The following LRIF1 variants were observed in gnomAD, a reference collection of about 807,000 sequenced individuals.
The protein encoded by LRIF1 is ligand dependent nuclear receptor interacting factor 1.
LRIF1 carries 32 observed loss-of-function variants against 52.7 expected under a neutral mutation model. The ratio of observed to expected loss-of-function variants is 0.61; its 90% CI spans 0.46 to 0.82. The LOEUF (loss-of-function observed/expected upper bound fraction) is 0.82. Among genes scored for constraint, LRIF1 ranks in the 40% least tolerant of loss-of-function variants. The pLI is 0.00. For missense variants in LRIF1, 887 were observed against 892.0 expected (o/e 0.99, Z 0.07); for synonymous variants, 323 against 317.4 (o/e 1.02, Z -0.19).
the LRIF1 span, among the ~76,000 whole-genome samples, chr1:110,919,499 G>A: frequency 5.9e-5 from 9 of 152,086 alleles, no homozygotes; most frequent in Non-Finnish European, 1.2e-4. Context: ...ACTTGTGATC[G>A]TGTAAGTTAA....
At chr1:110,930,804 A>G in the LRIF1 span, among the ~76,000 whole-genome samples, 1 of 152,114 alleles carries the variant, frequency 6.6e-6, no homozygotes, top group Admixed American at 6.6e-5. Flanking sequence ...GATGATGTTG[A>G]TATGTCTTTT....
the LRIF1 span, among the ~76,000 whole-genome samples, chr1:110,918,161 A>G: frequency 7.1e-3 from 1,088 of 152,222 alleles, 12 homozygotes; most frequent in African/African-American, 0.025. Flanking sequence ...CACATACAAA[A>G]CCAAAAGAAA....
At chr1:110,887,178 C>T in the LRIF1 span, among the ~76,000 whole-genome samples, 9 of 152,062 alleles carry the variant, frequency 5.9e-5, no homozygotes, top group East Asian at 1.2e-3. Context: ...ATTCTCCTGC[C>T]TCAGCCTCCC....
chr1:110,928,123 A>C, the LRIF1 span, among the ~76,000 whole-genome samples: 1 of 152,112 alleles, frequency 6.6e-6, no homozygotes, highest in Non-Finnish European at 1.5e-5. Context: ...AGTAGGTCTG[A>C]ATAGTTTTTG....
At position 110,952,382 on chromosome 1, in the gene LRIF1, G is replaced by C; in HGVS notation, c.502C>G (p.Gln168Glu). The C allele has an allele frequency of 1.2e-6, 2 of 1,613,964 alleles. No homozygotes were observed. The highest frequency in any genetic ancestry group is 1.7e-6 in the Non-Finnish European group (2 of 1,179,860). ...KDSSFIVVNT[Q>E]SLPVTVKSPV... The stretch of plus-strand genomic sequence containing the variant: ...GACTTCACAGTCACTGGAAGACTCT[G>C]GGTATTAACTACAATAAAAGATGAG... Residue 168 changes from glutamine (Q) to glutamate (E), a missense_variant, in exon 2 of 4, where the codon CAG (glutamine) becomes GAG (glutamate). By Grantham distance (29) the Gln-to-Glu change is conservative (BLOSUM62 2). Coordinates refer to ENST00000369763, the MANE Select transcript of LRIF1 (RefSeq NM_018372.4).
the LRIF1 span, among the ~76,000 whole-genome samples, chr1:110,920,669 T>C: frequency 6.6e-6 from 1 of 152,214 alleles, no homozygotes; most frequent in African/African-American, 2.4e-5. Flanking sequence ...AAGTGAATCT[T>C]AAACTCTGGA....
the LRIF1 span, among the ~76,000 whole-genome samples, chr1:110,921,602 A>T: frequency 1.3e-5 from 2 of 152,236 alleles, no homozygotes; most frequent in African/African-American, 4.8e-5. Flanking sequence ...CCAAAATAAT[A>T]GCAATTTAAA....
chr1:110,960,815 C>T (rs568050046), intron 1 of LRIF1, among the ~76,000 whole-genome samples: 7 of 152,300 alleles, frequency 4.6e-5, no homozygotes, highest in Admixed American at 3.9e-4. Context: ...CTAGTTCAGG[C>T]CCTCAGAATT....
intron 1 of LRIF1, among the ~76,000 whole-genome samples, chr1:110,962,313 AAAG>A (rs1658994446): frequency 6.6e-6 from 1 of 152,104 alleles, no homozygotes; most frequent in African/African-American, 2.4e-5. Context: ...AAAAAAGAAA[AAAG>A]AAAAAAACAC....
the LRIF1 span, chr1:110,894,465 G>T: frequency 3.2e-6 from 4 of 1,244,840 alleles, no homozygotes; most frequent in Non-Finnish European, 3.6e-6. Context: ...CAGTGGAGAA[G>T]TTGGTACAAA....
chr1:110,934,370 A>G, the LRIF1 span, among the ~76,000 whole-genome samples: 1 of 152,214 alleles, frequency 6.6e-6, no homozygotes, highest in Non-Finnish European at 1.5e-5. Context: ...CAACAGGCGG[A>G]TCAAGAACCA....
chr1:110,917,148 T>C, the LRIF1 span, among the ~76,000 whole-genome samples: 1 of 152,222 alleles, frequency 6.6e-6, no homozygotes, highest in Non-Finnish European at 1.5e-5. Flanking sequence ...CAGAGTTATG[T>C]TTAGCATCAG....
At chr1:110,958,106 C>CA (rs1658781089) in intron 1 of LRIF1, among the ~76,000 whole-genome samples, 1 of 152,320 alleles carries the variant, frequency 6.6e-6, no homozygotes, top group East Asian at 1.9e-4. Context: ...TAGTATTCAT[C>CA]ATTGCCAATT....
rs1478916921 is a variant in LRIF1 at position 110,952,723 on chromosome 1, T to C, written c.161A>G (p.Asn54Ser). Residue 54 changes from asparagine (N) to serine (S), a missense_variant, in exon 2 of 4, where the codon AAT becomes AGT. By Grantham distance (46) the Asn-to-Ser change is conservative (BLOSUM62 1). Coordinates refer to ENST00000369763, the MANE Select transcript of LRIF1 (RefSeq NM_018372.4). ...QLLPIPKSSG[N>S]LIPLVQSSVM... ...TGAAGATTGAACTAGTGGTATAAGA[T>C]TTCCAGAAGACTTAGGAATTGGAAG... 6.2e-7 allele frequency: 1 copy of C among 1,613,858 alleles called. No individual in the cohort carries two copies. The highest frequency in any genetic ancestry group is 2.2e-5 in the East Asian group (1 of 44,886).
At chr1:110,915,874 C>T in the LRIF1 span, among the ~76,000 whole-genome samples, 1 of 152,118 alleles carries the variant, frequency 6.6e-6, no homozygotes, top group Non-Finnish European at 1.5e-5. Context: ...TTTTAAAAAG[C>T]AACAGATTGT....
the LRIF1 span, among the ~76,000 whole-genome samples, chr1:110,919,317 C>T: frequency 5.5e-3 from 833 of 152,150 alleles, 7 homozygotes; most frequent in African/African-American, 0.018. Flanking sequence ...CAGCTGCCAG[C>T]GAATATAAAG....
the LRIF1 span, among the ~76,000 whole-genome samples, chr1:110,923,160 T>G: frequency 3.3e-5 from 5 of 151,950 alleles, no homozygotes; most frequent in Non-Finnish European, 7.4e-5. Context: ...ATTAGCCGGG[T>G]GTGGTGGTGC....
chr1:110,942,988 C>T (rs1326038197), downstream of LRIF1, among the ~76,000 whole-genome samples: 1 of 151,898 alleles, frequency 6.6e-6, no homozygotes, highest in African/African-American at 2.4e-5. Flanking sequence ...CTAAATAACT[C>T]CAACATTAAG....
Position 110,963,677 on chromosome 1 carries a change from G to A in LRIF1, c.12C>T (p.Asn4=), listed in dbSNP as rs752037372. The change falls in exon 1 of 4, where the codon AAC becomes AAT. Residue 4 remains asparagine, a synonymous_variant. Transcript: ENST00000369763. ...CGGGTTTCAGGAAGACCCTCCGTAG[G>A]TTATTTGACATTTTAGTGGGGAGAA... MSN[N]LRRVFLKPAE... 6.0e-5 allele frequency: 97 copies of A among 1,607,234 alleles called. No homozygotes were observed. The highest frequency in any genetic ancestry group is 8.0e-5 in the Non-Finnish European group (94 of 1,174,890).
Sources: allele counts gnomAD v4.1 joint callset (sites outside exome capture counted in the v4.1 genomes callset), GRCh38; gene constraint gnomAD v4.1.1; transcripts MANE v1.5; gene names NCBI Gene and HGNC (gene_info 2026-07-23, HGNC 2026-07-21).